Variants in WWC1 observed in about 807,000 individuals in gnomAD.
WWC1 encodes protein KIBRA.
Under a neutral mutation model 138.4 loss-of-function variants are expected in WWC1, and 55 were observed. That is an observed-to-expected ratio of 0.40 (90% CI 0.32 to 0.50). The LOEUF is 0.50. WWC1 is among the 20% of genes least tolerant of loss of function. The probability of loss-of-function intolerance (pLI) is 0.72; values close to 1 mark genes in which losing one functional copy is unlikely to be tolerated. For synonymous variants in WWC1, 524 were observed against 564.9 expected, an observed-to-expected ratio of 0.93 and a Z score of 1.03; for missense variants, 1,226 against 1,420.4, an observed-to-expected ratio of 0.86 and a Z score of 2.20.
chr5:168,345,538 A>T (rs1401601026), intron 1 of WWC1, among the ~76,000 whole-genome samples: 1 of 152,200 alleles, frequency 6.6e-6, no homozygotes, highest in East Asian at 1.9e-4. Flanking sequence ...CACAAACTTC[A>T]TGAAATCCTG....
chr5:168,431,154 C>T, intron 14 of WWC1, 98 bp from the exon 15 acceptor site: 1 of 1,087,992 alleles, frequency 9.2e-7, no homozygotes, highest in South Asian at 1.5e-5. Context: ...CTCTCATCCA[C>T]TGTTGTTTGC....
At chr5:168,454,200 C>G in intron 18 of WWC1, 100 bp downstream of exon 18, 1 of 1,523,930 alleles carries the variant, frequency 6.6e-7, no homozygotes, top group Non-Finnish European at 8.8e-7. Context: ...GTCTTGGCTT[C>G]CAGCATCAGG....
chr5:168,406,002 C>T (rs1433051366), intron 5 of WWC1, among the ~76,000 whole-genome samples, 196 bp from the exon 6 acceptor site: 1 of 152,094 alleles, frequency 6.6e-6, no homozygotes, highest in African/African-American at 2.4e-5. Flanking sequence ...GTTGGGATTA[C>T]AGGTGTGAGC....
At chr5:168,319,056 T>C (rs1011859377) in intron 1 of WWC1, among the ~76,000 whole-genome samples, 6 of 152,252 alleles carry the variant, frequency 3.9e-5, no homozygotes, top group African/African-American at 1.4e-4. Flanking sequence ...TCAGTTCATC[T>C]GTTGGTGGAC....
rs1324883029 is a variant in WWC1, at chr5:168,422,117, G to A, written c.1274+20G>A. 1.2e-6 allele frequency: 2 copies of A among 1,609,760 alleles called. No individual in the cohort carries two copies. Among genetic ancestry groups the A allele is most frequent in the Admixed American group, 3.3e-5 (2 of 59,926 alleles). On this transcript the variant is annotated intron_variant, in intron 10 of 22. Transcript: ENST00000265293. ...GAAAAGGTGAGTGGTGGGCGGTGAG[G>A]CCACTGCTCCCCTGGGCATGGCCAG... is the stretch of plus-strand genomic sequence containing the variant.
At chr5:168,435,095 C>T (rs1292726567) in intron 15 of WWC1, among the ~76,000 whole-genome samples, 1 of 152,170 alleles carries the variant, frequency 6.6e-6, no homozygotes, top group African/African-American at 2.4e-5. Context: ...AGAAATTATA[C>T]TGTATCTCCC....
At chr5:168,317,400 C>T (rs1322893519) in intron 1 of WWC1, among the ~76,000 whole-genome samples, 1 of 152,176 alleles carries the variant, frequency 6.6e-6, no homozygotes, top group Non-Finnish European at 1.5e-5. Context: ...CTGCCTCCTT[C>T]CTGGAGCTCG....
At chr5:168,389,597 GTT>G (rs55873477) in intron 3 of WWC1, among the ~76,000 whole-genome samples, 2,609 of 129,034 alleles carry the variant, frequency 0.02, 46 homozygotes, top group African/African-American at 0.067. Flanking sequence ...TTGAATTTTT[GTT>G]TTTTTTTTTT....
intron 2 of WWC1, among the ~76,000 whole-genome samples, chr5:168,383,890 C>A (rs957257408): frequency 6.6e-6 from 1 of 152,092 alleles, no homozygotes; most frequent in African/African-American, 2.4e-5. Flanking sequence ...ATCTCGTCAG[C>A]TGCTTTTTTT....
intron 19 of WWC1, among the ~76,000 whole-genome samples, chr5:168,457,355 T>C (rs562271893): frequency 1.2e-4 from 18 of 152,198 alleles, no homozygotes; most frequent in African/African-American, 4.3e-4. Context: ...CAGGGAACAA[T>C]TTAACCCTTT....
At chr5:168,407,433 C>G (rs1032609636) in intron 6 of WWC1, among the ~76,000 whole-genome samples, 7 of 152,222 alleles carry the variant, frequency 4.6e-5, no homozygotes, top group Non-Finnish European at 5.9e-5. Flanking sequence ...ACAAACCACC[C>G]TGACCTCAGA....
rs192312859 is a variant in WWC1, at chr5:168,356,195, T to C, written c.120-15229T>C. Among the ~76,000 whole-genome samples the C allele has an allele frequency of 2.4e-3, 367 of 152,358 alleles. 1 individual carries two copies. Among genetic ancestry groups the C allele is most frequent in the African/African-American group, 7.4e-3 (307 of 41,592 alleles). ...TGCCGCATGATTTCTGCCGACTAGA[T>C]TCATTACGTCGCTGAAGAGCGTGTT... On this transcript the variant is annotated intron_variant, in intron 1 of 22. Transcript: ENST00000265293.
At chr5:168,396,024 G>C (rs1274408528) in intron 3 of WWC1, among the ~76,000 whole-genome samples, 1 of 152,152 alleles carries the variant, frequency 6.6e-6, no homozygotes, top group Non-Finnish European at 1.5e-5. Flanking sequence ...CACCAAATAA[G>C]CTTCTCTATC....
At chr5:168,447,026 G>A (rs535075375) in intron 17 of WWC1, among the ~76,000 whole-genome samples, 57 of 152,270 alleles carry the variant, frequency 3.7e-4, no homozygotes, top group South Asian at 1.5e-3. Context: ...AGACCTTACT[G>A]AGCATTAGTA....
At chr5:168,343,179 T>TGAGGCAGGAGAATGGCGTGAAC (rs1220495667) in intron 1 of WWC1, among the ~76,000 whole-genome samples, 27 of 151,452 alleles carry the variant, frequency 1.8e-4, no homozygotes, top group African/African-American at 2.9e-4. Flanking sequence ...GTCATAAAGT[T>TGAGGCAGGAGAATGGCGTGAAC]CACTGTGCTA....
intron 19 of WWC1, among the ~76,000 whole-genome samples, chr5:168,458,731 A>T (rs1019110353): frequency 6.6e-6 from 1 of 152,232 alleles, no homozygotes; most frequent in Non-Finnish European, 1.5e-5. Flanking sequence ...ATTAAATGCA[A>T]GTAATAATAA....
intron 1 of WWC1, among the ~76,000 whole-genome samples, chr5:168,360,998 G>A (rs548453068): frequency 3.3e-5 from 5 of 152,338 alleles, no homozygotes; most frequent in African/African-American, 1.2e-4. Flanking sequence ...TGGGAGTTGA[G>A]TGTCCCCAGA....
chr5:168,309,652 AC>A lies in WWC1; in HGVS notation c.119+17385del, dbSNP rs997552799. The stretch of plus-strand genomic sequence containing the variant: ...CCTATAGAAGCTTAGTGGAAAATAG[AC>A]CCCTCTCCCTCTGTCTTAGAAAATA... On this transcript the variant is annotated intron_variant, in intron 1 of 22. Coordinates refer to ENST00000265293, the MANE Select transcript of WWC1 (RefSeq NM_015238.3). Among the ~76,000 whole-genome samples the A allele has an allele frequency of 3.3e-5, 5 of 151,840 alleles. 1 individual carries two copies. Among genetic ancestry groups the A allele is most frequent in the African/African-American group, 1.2e-4 (5 of 41,386 alleles).
intron 1 of WWC1, among the ~76,000 whole-genome samples, chr5:168,313,729 GTTTTTCTT>G (rs1581892197): frequency 6.6e-6 from 1 of 152,144 alleles, no homozygotes; most frequent in African/African-American, 2.4e-5. Flanking sequence ...TACTTCTGTT[GTTTTTCTT>G]TTTTTCTTTT....
Sources: gnomAD v4.1 joint callset for allele counts (sites outside exome capture counted in the v4.1 genomes callset) on GRCh38, gnomAD v4.1.1 for gene constraint, MANE v1.5 for transcripts, NCBI Gene and HGNC (gene_info 2026-07-23, HGNC 2026-07-21) for gene names.